Variants in CAMKMT observed in about 807,000 individuals in gnomAD.
CAMKMT encodes calmodulin-lysine N-methyltransferase.
In CAMKMT, 53 loss-of-function variants were observed where a neutral mutation model predicts 48.0. That is an observed-to-expected ratio of 1.10 (90% CI 0.89 to 1.39). The LOEUF (loss-of-function observed/expected upper bound fraction) is 1.39, where lower values mean the gene tolerates loss of function less well. Among genes scored for constraint, CAMKMT ranks in the 40% most tolerant of loss-of-function variants. The pLI, the probability that CAMKMT is intolerant of heterozygous loss-of-function variation, is 0.00. For synonymous variants in CAMKMT, 165 were observed against 152.3 expected (o/e 1.08, Z -0.61); for missense variants, 428 against 402.7 (o/e 1.06, Z -0.54).
intron 3 of CAMKMT, among the ~76,000 whole-genome samples, chr2:44,465,767 C>T (rs1558636346): frequency 6.6e-6 from 1 of 152,132 alleles, no homozygotes; most frequent in African/African-American, 2.4e-5. Flanking sequence ...ATTATAAAAA[C>T]TTCAAACAAT....
intron 6 of CAMKMT, among the ~76,000 whole-genome samples, chr2:44,713,189 T>G (rs1447384763): frequency 1.3e-5 from 2 of 152,164 alleles, no homozygotes; most frequent in African/African-American, 4.8e-5. Flanking sequence ...TTACTAAAAA[T>G]TATTAATAGG....
chr2:44,512,823 G>A (rs1020877144), intron 3 of CAMKMT, among the ~76,000 whole-genome samples: 1 of 145,762 alleles, frequency 6.9e-6, no homozygotes, highest in Non-Finnish European at 1.5e-5. Context: ...TAAGATAAAT[G>A]CAAACCAACT....
intron 3 of CAMKMT, among the ~76,000 whole-genome samples, chr2:44,700,354 C>G (rs1362310728): frequency 6.6e-6 from 1 of 152,154 alleles, no homozygotes; most frequent in African/African-American, 2.4e-5. Context: ...CCTTCAAGAA[C>G]TTTTCTTTTA....
At chr2:44,679,377 C>T (rs144135359) in intron 3 of CAMKMT, among the ~76,000 whole-genome samples, 28 of 152,198 alleles carry the variant, frequency 1.8e-4, no homozygotes, top group Non-Finnish European at 3.1e-4. Flanking sequence ...TTACTTGCCT[C>T]CGAGTGAAGG....
chr2:44,423,186 T>TTTTAG (rs1684047644), intron 3 of CAMKMT, among the ~76,000 whole-genome samples: 2 of 97,982 alleles, frequency 2.0e-5, no homozygotes, highest in African/African-American at 3.0e-5. Flanking sequence ...TTTTATTTTA[T>TTTTAG]TTATTTATTT....
At chr2:44,689,456 G>A (rs1483195057) in intron 3 of CAMKMT, among the ~76,000 whole-genome samples, 1 of 151,952 alleles carries the variant, frequency 6.6e-6, no homozygotes, top group Non-Finnish European at 1.5e-5. Flanking sequence ...AGGGAAAAGG[G>A]TGATCTCATC....
chr2:44,422,173 T>G (rs141484327), intron 3 of CAMKMT, among the ~76,000 whole-genome samples: 135 of 152,312 alleles, frequency 8.9e-4, no homozygotes, highest in Middle Eastern at 3.4e-3. Flanking sequence ...AGAATCTGGT[T>G]GTTTAAAAGT....
intron 3 of CAMKMT, among the ~76,000 whole-genome samples, chr2:44,513,850 C>T (rs534879946): frequency 2.6e-5 from 4 of 152,208 alleles, no homozygotes; most frequent in Non-Finnish European, 5.9e-5. Context: ...CCTGTAATCA[C>T]AGCACTTTGG....
At chr2:44,530,248 TAAAC>T (rs145702633) in intron 3 of CAMKMT, among the ~76,000 whole-genome samples, 77 of 152,274 alleles carry the variant, frequency 5.1e-4, no homozygotes, top group Non-Finnish European at 7.8e-4. Context: ...GGCTTGTTAA[TAAAC>T]AAAGAAAAAT....
chr2:44,369,969 A>G (rs1678991384), intron 1 of CAMKMT: 1 of 152,218 alleles, frequency 6.6e-6, no homozygotes, highest in Admixed American at 6.5e-5. Flanking sequence ...GATTCCAGGA[A>G]ATACAGCTTC....
At chr2:44,672,554 A>C (rs1175006866) in intron 3 of CAMKMT, among the ~76,000 whole-genome samples, 1 of 152,154 alleles carries the variant, frequency 6.6e-6, no homozygotes, top group Non-Finnish European at 1.5e-5. Context: ...ACCTTCTCCA[A>C]TTCAGTCTCT....
At chr2:44,580,267 G>GTAAAATAAAATAAAA (rs10523120) in intron 3 of CAMKMT, among the ~76,000 whole-genome samples, 1 of 148,842 alleles carries the variant, frequency 6.7e-6, no homozygotes, top group Admixed American at 6.7e-5. Context: ...ATAAAATAAA[G>GTAAAATAAAATAAAA]TAAAATAAAA....
chr2:44,718,543 A>C (rs1315907312), intron 7 of CAMKMT, among the ~76,000 whole-genome samples: 1 of 152,238 alleles, frequency 6.6e-6, no homozygotes, highest in Non-Finnish European at 1.5e-5. Flanking sequence ...AGATTGATGA[A>C]AGAGCAAGGA....
chr2:44,683,797 TG>T (rs1272111808), intron 3 of CAMKMT, among the ~76,000 whole-genome samples: 9 of 110,302 alleles, frequency 8.2e-5, no homozygotes, highest in Non-Finnish European at 1.3e-4. Flanking sequence ...CACACCAGCC[TG>T]GGCGACAGAG....
chr2:44,649,194 A>G lies in CAMKMT; in HGVS notation c.377-55089A>G, dbSNP rs192272723. 1.7e-4 allele frequency among the ~76,000 whole-genome samples: 26 copies of G among 151,788 alleles called. 1 individual carries two copies. The East Asian group carries it at 4.9e-3, about 28-fold the overall frequency. On this transcript the variant is annotated intron_variant, in intron 3 of 10. Coordinates refer to ENST00000378494, the MANE Select transcript of CAMKMT (RefSeq NM_024766.5). ...GGTTTGATAATTAAAAGCCTAGCAC[A>G]CTCTTGTTGCTCTTGGATCCTGTTT...
intron 3 of CAMKMT, among the ~76,000 whole-genome samples, chr2:44,654,368 G>C (rs1674252345): frequency 6.6e-6 from 1 of 151,824 alleles, no homozygotes; most frequent in Admixed American, 6.6e-5. Context: ...TCATGGTAGA[G>C]AAAAATTAGA....
At chr2:44,612,460 C>T (rs981722055) in intron 3 of CAMKMT, among the ~76,000 whole-genome samples, 1 of 152,140 alleles carries the variant, frequency 6.6e-6, no homozygotes, top group Non-Finnish European at 1.5e-5. Flanking sequence ...GGAGAGTTAA[C>T]TTTGAGGAAG....
chr2:44,740,989 T>C (rs1419468227), intron 7 of CAMKMT, among the ~76,000 whole-genome samples: 3 of 151,970 alleles, frequency 2.0e-5, no homozygotes, highest in Non-Finnish European at 4.4e-5. Flanking sequence ...TTTGGAGGAG[T>C]GCCACTCAAT....
intron 3 of CAMKMT, among the ~76,000 whole-genome samples, chr2:44,674,899 A>G (rs769032044): frequency 4.0e-5 from 6 of 151,744 alleles, no homozygotes; most frequent in Non-Finnish European, 8.8e-5. Context: ...AAAAAAACAC[A>G]CAAACTATCA....
Sources: gnomAD v4.1 joint callset for allele counts (sites outside exome capture counted in the v4.1 genomes callset) on GRCh38, gnomAD v4.1.1 for gene constraint, MANE v1.5 for transcripts, NCBI Gene and HGNC (gene_info 2026-07-23, HGNC 2026-07-21) for gene names.